The following SPAG17 variants were observed in gnomAD, a reference collection of about 807,000 sequenced individuals.
SPAG17 encodes the protein sperm-associated antigen 17.
A neutral mutation model predicts 273.6 loss-of-function variants in SPAG17; 169 were observed. The ratio of observed to expected loss-of-function variants is 0.62; its 90% CI spans 0.55 to 0.70. The LOEUF (loss-of-function observed/expected upper bound fraction) is 0.70. Among genes scored for constraint, SPAG17 ranks in the 30% least tolerant of loss-of-function variants. The pLI, the probability that SPAG17 is intolerant of heterozygous loss-of-function variation, is 0.00. For synonymous variants in SPAG17, 825 were observed against 873.2 expected (o/e 0.94, Z 0.97); for missense variants, 2,557 against 2,627.8 (o/e 0.97, Z 0.59).
chr1:118,172,383 G>A (rs1044321890), intron 1 of SPAG17, among the ~76,000 whole-genome samples: 3 of 152,138 alleles, frequency 2.0e-5, no homozygotes, highest in African/African-American at 7.2e-5. Context: ...GTTAAGAGGT[G>A]CATGGGTTGC....
intron 3 of SPAG17, among the ~76,000 whole-genome samples, chr1:118,115,847 T>C (rs1429952471): frequency 6.6e-6 from 1 of 152,236 alleles, no homozygotes. Context: ...ATTAGGATAT[T>C]ATAAATTAAA....
intron 48 of SPAG17, among the ~76,000 whole-genome samples, chr1:117,957,680 A>T (rs1652417523): frequency 1.3e-5 from 2 of 152,168 alleles, no homozygotes; most frequent in South Asian, 4.1e-4. Context: ...TTAAAACATT[A>T]TGATTTTTTT....
rs568484775 is a variant in SPAG17, at chr1:118,053,275, G to A, written c.2814+727C>T. Among the ~76,000 whole-genome samples, 9 of 152,096 alleles carry A rather than the reference G, an allele frequency of 5.9e-5. No homozygotes were observed. In the East Asian group the frequency reaches 1.7e-3, roughly 29 times the overall value. ...TACTATTAATATCCAGAAACCGGAG[G>A]CTTACCAAAATTAATCAACTTTGTT... On this transcript the variant is annotated intron_variant, in intron 20 of 48. Coordinates refer to ENST00000336338, the MANE Select transcript of SPAG17 (RefSeq NM_206996.4).
At position 118,101,933 on chromosome 1, in the gene SPAG17, T is replaced by G. The variant is rs765432790; in HGVS notation, c.448-7A>C. 1 of 1,606,166 alleles carries G rather than the reference T, an allele frequency of 6.2e-7. No individual in the cohort carries two copies. Among genetic ancestry groups the G allele is most frequent in the Non-Finnish European group, 8.5e-7 (1 of 1,177,482 alleles). On this transcript the variant is annotated splice_polypyrimidine_tract_variant and splice_region_variant and intron_variant, in intron 4 of 48. Coordinates refer to ENST00000336338, the MANE Select transcript of SPAG17 (RefSeq NM_206996.4). ...TAGGTTTGTCTTCTATTACCTGGAA[T>G]GAGAGAACACTTTTTTCTCCAAATC...
chr1:118,092,350 T>C (rs1034323972), intron 8 of SPAG17, among the ~76,000 whole-genome samples: 1 of 152,142 alleles, frequency 6.6e-6, no homozygotes, highest in Non-Finnish European at 1.5e-5. Context: ...CAGTTCTCCA[T>C]TGCCTACATG....
At chr1:117,969,913 T>A in intron 46 of SPAG17, 143 bp downstream of exon 46, 1 of 710,664 alleles carries the variant, frequency 1.4e-6, no homozygotes, top group Non-Finnish European at 2.3e-6. Context: ...AGAAATCTTT[T>A]GCTTATGATA....
intron 41 of SPAG17, 136 bp downstream of exon 41, chr1:117,984,547 G>A (rs1656191043): frequency 1.2e-5 from 7 of 572,768 alleles, no homozygotes; most frequent in African/African-American, 1.9e-5. Context: ...TGGATTTGAA[G>A]GGTACAGGTT....
intron 3 of SPAG17, among the ~76,000 whole-genome samples, chr1:118,130,374 A>G (rs929046342): frequency 6.6e-6 from 1 of 152,186 alleles, no homozygotes; most frequent in Non-Finnish European, 1.5e-5. Flanking sequence ...TGACATTTTA[A>G]TAAGCTTTCT....
At chr1:118,052,623 T>C (rs1651188079) in intron 20 of SPAG17, among the ~76,000 whole-genome samples, 1 of 152,096 alleles carries the variant, frequency 6.6e-6, no homozygotes, top group Admixed American at 6.6e-5. Context: ...CATTTTATAA[T>C]ATGTACATAA....
intron 3 of SPAG17, among the ~76,000 whole-genome samples, chr1:118,127,215 G>A (rs1332489702): frequency 6.6e-6 from 1 of 151,910 alleles, no homozygotes; most frequent in Admixed American, 6.6e-5. Context: ...TTCTATTTCT[G>A]TGTATTAGGC....
intron 46 of SPAG17, among the ~76,000 whole-genome samples, chr1:117,967,255 G>T (rs1488011710): frequency 7.1e-6 from 1 of 141,260 alleles, no homozygotes; most frequent in African/African-American, 2.7e-5. Flanking sequence ...CCGAGATCGC[G>T]CCACTGCACT....
In SPAG17 at chr1:118,005,583, C is replaced by A. The variant is rs2101738860; in HGVS notation, c.4607G>T (p.Gly1536Val). 2.0e-6 allele frequency: 3 copies of A among 1,532,826 alleles called. No individual in the cohort carries two copies. Among genetic ancestry groups the A allele is most frequent in the Admixed American group, 2.1e-5 (1 of 48,318 alleles). 95.0% of individuals were successfully genotyped at this position (1,532,826 alleles called of 1,614,324 possible). ...GTYQVLPPNT[G>V]SLYIDKDCSA... ...ACAATCCTTGTCAATATAAAGAGAG[C>A]CTGTGTTTGGAGGTAACACCTGAAA... is the stretch of plus-strand genomic sequence containing the variant. Residue 1536 changes from glycine (G) to valine (V), a missense_variant, in exon 32 of 49, where the codon GGC becomes GTC. Transcript: ENST00000336338.
intron 3 of SPAG17, among the ~76,000 whole-genome samples, chr1:118,118,548 C>A (rs1029272254): frequency 6.6e-6 from 1 of 152,178 alleles, no homozygotes; most frequent in Non-Finnish European, 1.5e-5. Context: ...CAAAAAAGCA[C>A]GAGTCTTAAC....
intron 32 of SPAG17, among the ~76,000 whole-genome samples, chr1:117,997,303 G>A (rs547638811): frequency 6.6e-6 from 1 of 152,170 alleles, no homozygotes; most frequent in East Asian, 1.9e-4. Context: ...GGATGCCCAA[G>A]AGGAGTATCA....
chr1:118,073,706 G>A (rs1653828953), intron 17 of SPAG17, 148 bp downstream of exon 17: 1 of 506,894 alleles, frequency 2.0e-6, no homozygotes. Context: ...GCTCAAGCTG[G>A]GAGTAAATTT....
At chr1:118,085,102 T>G (rs2102162018) in intron 13 of SPAG17, among the ~76,000 whole-genome samples, 1 of 152,326 alleles carries the variant, frequency 6.6e-6, no homozygotes, top group African/African-American at 2.4e-5. Context: ...TTCCTTCCTG[T>G]CCTCATGTGC....
chr1:118,010,021 C>A (rs1303906624), intron 30 of SPAG17, among the ~76,000 whole-genome samples: 2 of 151,962 alleles, frequency 1.3e-5, no homozygotes, highest in African/African-American at 4.8e-5. Flanking sequence ...CACTTATATG[C>A]AGATTCTACA....
chr1:117,967,977 A>G (rs1393749106), intron 46 of SPAG17, among the ~76,000 whole-genome samples: 1 of 152,228 alleles, frequency 6.6e-6, no homozygotes, highest in East Asian at 1.9e-4. Context: ...TCAACAATGT[A>G]CTTGTGAGCA....
At chr1:117,962,213 T>G (rs1228796484) in intron 48 of SPAG17, 1 of 152,162 alleles carries the variant, frequency 6.6e-6, no homozygotes, top group Non-Finnish European at 1.5e-5. Context: ...TATGATAAAG[T>G]GACATGTACA....
Sources: gnomAD v4.1 joint callset for allele counts (sites outside exome capture counted in the v4.1 genomes callset) on GRCh38, gnomAD v4.1.1 for gene constraint, MANE v1.5 for transcripts, NCBI Gene and HGNC (gene_info 2026-07-23, HGNC 2026-07-21) for gene names.